CLASP2: variants seen among roughly 807,000 people sequenced by gnomAD.
The protein encoded by CLASP2 is cytoplasmic linker associated protein 2.
Under a neutral mutation model 194.4 loss-of-function variants are expected in CLASP2, and 47 were observed. The observed-to-expected ratio is 0.24, with a 90% CI of 0.19 to 0.31. CLASP2 has a LOEUF of 0.31. CLASP2 is among the 10% of genes least tolerant of loss of function. CLASP2 has a pLI of 1.00. For synonymous variants in CLASP2, 619 were observed against 633.5 expected, an observed-to-expected ratio of 0.98 and a Z score of 0.34; for missense variants, 1,445 against 1,823.6, an observed-to-expected ratio of 0.79 and a Z score of 3.78.
chr3:33,661,791 T>C (rs1044564575), intron 7 of CLASP2, among the ~76,000 whole-genome samples: 5 of 152,196 alleles, frequency 3.3e-5, no homozygotes, highest in African/African-American at 9.6e-5. Flanking sequence ...AGTTATCATT[T>C]AAAGCCTTTG....
chr3:33,575,353 A>G (rs889187098), intron 24 of CLASP2, among the ~76,000 whole-genome samples: 1 of 152,160 alleles, frequency 6.6e-6, no homozygotes, highest in African/African-American at 2.4e-5. Context: ...TGTGGCAAAC[A>G]CTGTATTATA....
chr3:33,501,511 A>G (rs926269595), intron 38 of CLASP2, 141 bp downstream of exon 38: 7 of 575,282 alleles, frequency 1.2e-5, no homozygotes, highest in African/African-American at 1.9e-5. Flanking sequence ...AAAATACAAA[A>G]CAGAAATAAT....
At chr3:33,580,702 G>A (rs2154209217) in intron 23 of CLASP2, among the ~76,000 whole-genome samples, 1 of 151,824 alleles carries the variant, frequency 6.6e-6, no homozygotes, top group East Asian at 2.0e-4. Flanking sequence ...AAGTATTACA[G>A]TAAACTACAC....
intron 7 of CLASP2, among the ~76,000 whole-genome samples, chr3:33,658,674 A>G (rs899307438): frequency 5.9e-5 from 9 of 152,234 alleles, no homozygotes; most frequent in African/African-American, 2.2e-4. Flanking sequence ...GCTTCTGCAC[A>G]TATTCCACGT....
intron 1 of CLASP2, among the ~76,000 whole-genome samples, chr3:33,715,154 T>A (rs1029081908): frequency 1.3e-5 from 2 of 152,210 alleles, no homozygotes; most frequent in Non-Finnish European, 2.9e-5. Flanking sequence ...GTGTCTGCAC[T>A]CACATGTCAC....
intron 37 of CLASP2, among the ~76,000 whole-genome samples, chr3:33,506,131 T>C (rs1201908689): frequency 6.6e-6 from 1 of 151,732 alleles, no homozygotes; most frequent in East Asian, 1.9e-4. Flanking sequence ...TCCCAGCACT[T>C]TGGGAGGCCG....
chr3:33,499,026 G>C (rs2046213284), intron 38 of CLASP2, among the ~76,000 whole-genome samples: 1 of 152,054 alleles, frequency 6.6e-6, no homozygotes, highest in Admixed American at 6.6e-5. Flanking sequence ...ATATGGTCTA[G>C]CTCTGTGTTC....
intron 7 of CLASP2, among the ~76,000 whole-genome samples, chr3:33,662,334 G>C (rs575761631): frequency 6.6e-6 from 1 of 152,280 alleles, no homozygotes; most frequent in South Asian, 2.1e-4. Flanking sequence ...ACAAGTTCAA[G>C]CATCTTGTCA....
chr3:33,614,295 A>T (rs2075725801), intron 12 of CLASP2, among the ~76,000 whole-genome samples: 1 of 152,196 alleles, frequency 6.6e-6, no homozygotes, highest in Admixed American at 6.5e-5. Context: ...TTCCTTACAT[A>T]CAGCTGTTAA....
chr3:33,617,029 C>T (rs537940780), intron 12 of CLASP2, among the ~76,000 whole-genome samples: 2 of 150,580 alleles, frequency 1.3e-5, no homozygotes, highest in South Asian at 4.2e-4. Context: ...CATGCCCAGC[C>T]TCTATATTTT....
chr3:33,557,578 G>A (rs2061184647), intron 29 of CLASP2, among the ~76,000 whole-genome samples: 1 of 152,046 alleles, frequency 6.6e-6, no homozygotes, highest in South Asian at 2.1e-4. Context: ...ACCACTACAG[G>A]TACCTATATC....
At chr3:33,549,019 C>T (rs1441078038) in intron 30 of CLASP2, among the ~76,000 whole-genome samples, 2 of 151,682 alleles carry the variant, frequency 1.3e-5, no homozygotes, top group Non-Finnish European at 2.9e-5. Context: ...GTGATCCTCC[C>T]ACCTTGGGAT....
chr3:33,708,565 TAC>T (rs1195075964), intron 1 of CLASP2, among the ~76,000 whole-genome samples: 12 of 141,354 alleles, frequency 8.5e-5, no homozygotes, highest in African/African-American at 1.6e-4. Flanking sequence ...TATATATACA[TAC>T]ACACACACAC....
At chr3:33,712,973 C>T (rs2093091874) in intron 1 of CLASP2, among the ~76,000 whole-genome samples, 1 of 131,296 alleles carries the variant, frequency 7.6e-6, no homozygotes, top group Non-Finnish European at 1.5e-5. Flanking sequence ...GCTGAGACCA[C>T]TGCACTCCAG....
chr3:33,643,648 T>C (rs566790177), intron 8 of CLASP2, among the ~76,000 whole-genome samples: 11 of 152,130 alleles, frequency 7.2e-5, no homozygotes, highest in African/African-American at 2.6e-4. Context: ...TGTATGTATA[T>C]ATATCACACC....
At chr3:33,518,416 T>C (rs2052027235) in intron 34 of CLASP2, among the ~76,000 whole-genome samples, 1 of 152,228 alleles carries the variant, frequency 6.6e-6, no homozygotes, top group African/African-American at 2.4e-5. Flanking sequence ...AAATACACTA[T>C]AAATTCAGAC....
At position 33,644,888 on chromosome 3, in the gene CLASP2, T is replaced by C. The variant is rs2082014174; in HGVS notation, c.731A>G (p.Asp244Gly). ...LSVCKDKSFD[D>G]EESVDGNRPS... ...CCTATTTCCATCCACTGATTCTTCA[T>C]CATCGAAGCTTTTATCTGCACAAAG... Residue 244 changes from aspartate (D) to glycine (G), a missense_variant, in exon 8 of 39, where the codon GAT becomes GGT. Physicochemically the swap from Asp to Gly is moderately conservative, Grantham distance 94. This residue lies in a region of CLASP2 where 332 missense variants were observed against 325.3 expected (regional missense o/e 1.02). Transcript: ENST00000682230. 1 of 1,598,694 alleles carries C rather than the reference T, an allele frequency of 6.3e-7. No homozygotes were observed. Among genetic ancestry groups the C allele is most frequent in the East Asian group, 2.2e-5 (1 of 44,550 alleles).
chr3:33,524,902 C>T (rs967430150), intron 34 of CLASP2, among the ~76,000 whole-genome samples: 2 of 152,082 alleles, frequency 1.3e-5, no homozygotes, highest in Non-Finnish European at 2.9e-5. Flanking sequence ...TTCTCACTCT[C>T]AATAATGGAT....
chr3:33,637,341 G>C (rs1162392030), intron 8 of CLASP2, among the ~76,000 whole-genome samples: 9 of 152,176 alleles, frequency 5.9e-5, no homozygotes, highest in African/African-American at 2.2e-4. Context: ...TGACTAGCCA[G>C]GCAACATGCT....
Sources: allele counts gnomAD v4.1 joint callset (sites outside exome capture counted in the v4.1 genomes callset), GRCh38; gene constraint gnomAD v4.1.1; regional missense constraint gnomAD v4.1.1; transcripts MANE v1.5; gene names NCBI Gene and HGNC (gene_info 2026-07-23, HGNC 2026-07-21).